RALGPS1: variants seen among roughly 807,000 people sequenced by gnomAD.
RALGPS1 encodes ras-specific guanine nucleotide-releasing factor RalGPS1.
RALGPS1 carries 19 observed loss-of-function variants against 78.8 expected under a neutral mutation model. The observed-to-expected ratio is 0.24, with a 90% confidence interval of 0.17 to 0.35. The LOEUF (loss-of-function observed/expected upper bound fraction) is 0.35. Ranked by LOEUF, RALGPS1 falls within the 10% of genes least tolerant of loss-of-function variation. The probability of loss-of-function intolerance (pLI) is 1.00; values close to 1 mark genes in which losing one functional copy is unlikely to be tolerated. For synonymous variants in RALGPS1, 228 were observed against 256.3 expected, an observed-to-expected ratio of 0.89 and a Z score of 1.06; for missense variants, 454 against 688.3, an observed-to-expected ratio of 0.66 and a Z score of 3.81.
At chr9:127,092,621 C>T (rs145207094) in intron 8 of RALGPS1, among the ~76,000 whole-genome samples, 18 of 152,198 alleles carry the variant, frequency 1.2e-4, no homozygotes, top group Non-Finnish European at 1.0e-4. Flanking sequence ...CATGTCAACT[C>T]GAAGAACTAA....
intron 3 of RALGPS1, among the ~76,000 whole-genome samples, chr9:126,966,651 G>A (rs56890110): frequency 0.38 from 57,284 of 151,390 alleles, 12,643 homozygotes; most frequent in Non-Finnish European, 0.48. Context: ...ATTATTTACT[G>A]TAGTATTTGG....
chr9:126,989,495 G>A (rs1055078439), intron 4 of RALGPS1, among the ~76,000 whole-genome samples: 3 of 152,134 alleles, frequency 2.0e-5, no homozygotes, highest in African/African-American at 7.2e-5. Flanking sequence ...TGGACTGTGG[G>A]CCTTGGAGGT....
intron 4 of RALGPS1, among the ~76,000 whole-genome samples, chr9:126,998,063 A>T (rs1387228002): frequency 6.6e-6 from 1 of 152,236 alleles, no homozygotes; most frequent in African/African-American, 2.4e-5. Flanking sequence ...AAACCATAAA[A>T]ACCCTAGAAG....
chr9:127,032,797 C>G (rs2046539086), intron 4 of RALGPS1, among the ~76,000 whole-genome samples: 1 of 152,004 alleles, frequency 6.6e-6, no homozygotes, highest in South Asian at 2.1e-4. Flanking sequence ...TGAGACCAGC[C>G]TGGGCAACAC....
intron 8 of RALGPS1, among the ~76,000 whole-genome samples, chr9:127,127,345 T>C (rs1179513372): frequency 6.6e-6 from 1 of 152,266 alleles, no homozygotes; most frequent in Non-Finnish European, 1.5e-5. Context: ...GTAATTGTTA[T>C]TGACCAGAGT....
intron 10 of RALGPS1, among the ~76,000 whole-genome samples, chr9:127,171,988 G>T (rs542040589): frequency 6.6e-6 from 1 of 152,268 alleles, no homozygotes; most frequent in South Asian, 2.1e-4. Context: ...GCATGTTCAG[G>T]AATCATAATT....
At chr9:127,033,500 A>G (rs2046601352) in intron 4 of RALGPS1, among the ~76,000 whole-genome samples, 1 of 152,188 alleles carries the variant, frequency 6.6e-6, no homozygotes, top group Admixed American at 6.5e-5. Context: ...GATCTTATGA[A>G]AACTCTAGGT....
chr9:127,200,054 AACC>A (rs1219943308), intron 14 of RALGPS1, among the ~76,000 whole-genome samples: 6 of 152,150 alleles, frequency 3.9e-5, no homozygotes, highest in South Asian at 2.1e-4. Context: ...ACATTCATAT[AACC>A]ACACTGTCAC....
chr9:127,041,433 GA>G (rs1279971519), intron 5 of RALGPS1, among the ~76,000 whole-genome samples: 1 of 152,160 alleles, frequency 6.6e-6, no homozygotes, highest in Non-Finnish European at 1.5e-5. Flanking sequence ...ACACAAGCTA[GA>G]TTGTGTTTGT....
chr9:126,946,331 C>G (rs1360627092), intron 1 of RALGPS1, among the ~76,000 whole-genome samples: 2 of 152,210 alleles, frequency 1.3e-5, no homozygotes, highest in South Asian at 2.1e-4. Flanking sequence ...GTCAGGAGTT[C>G]GAGACCATCC....
intron 11 of RALGPS1, among the ~76,000 whole-genome samples, chr9:127,188,832 T>TTAAAAAAAAAAAAAAGAAAAAAAA (rs756481918): frequency 1.1e-5 from 1 of 87,472 alleles, no homozygotes; most frequent in Non-Finnish European, 2.3e-5. Flanking sequence ...CCATCTCTAC[T>TTAAAAAAAAAAAAAAGAAAAAAAA]AAAAAAAAAA....
intron 7 of RALGPS1, among the ~76,000 whole-genome samples, chr9:127,067,648 G>T (rs1190115853): frequency 1.3e-5 from 2 of 152,328 alleles, no homozygotes; most frequent in Non-Finnish European, 2.9e-5. Context: ...GACATGGTGG[G>T]TCTCTTGTTC....
chr9:126,944,350 C>T (rs770507827), intron 1 of RALGPS1, among the ~76,000 whole-genome samples: 19 of 152,190 alleles, frequency 1.2e-4, no homozygotes, highest in Non-Finnish European at 2.2e-4. Flanking sequence ...AGTAATGCCT[C>T]TGCCTTTGGC....
At chr9:127,092,670 C>T (rs1802071015) in intron 8 of RALGPS1, among the ~76,000 whole-genome samples, 1 of 152,116 alleles carries the variant, frequency 6.6e-6, no homozygotes, top group African/African-American at 2.4e-5. Flanking sequence ...TGAACTGAGG[C>T]CCAGAGAGGC....
At position 127,091,562 on chromosome 9, in the gene RALGPS1, C is replaced by T; in HGVS notation, c.610+22206C>T. 1.4e-6 allele frequency: 2 copies of T among 1,458,950 alleles called. No homozygotes were observed. Among genetic ancestry groups the T allele is most frequent in the East Asian group, 4.6e-5 (2 of 43,840 alleles). The allele number at this position is 1,458,950 out of a possible 1,614,324, so 90.4% of individuals were successfully genotyped here. Reference sequence around the variant, plus strand: ...AGGGTCAGGCAGCTTGGCCCAGCTGCTTCTCACCCTGGGATCTTCCCGTTT... The same window carrying T: ...AGGGTCAGGCAGCTTGGCCCAGCTGTTTCTCACCCTGGGATCTTCCCGTTT... On this transcript the variant is annotated intron_variant, in intron 8 of 18. Coordinates refer to ENST00000259351, the MANE Select transcript of RALGPS1 (RefSeq NM_014636.3). This position sits in a 1 kb window ranked among gnomAD's most constrained non-coding sequence, Gnocchi z 4.3.
At chr9:127,076,837 C>T (rs1285024434) in intron 8 of RALGPS1, among the ~76,000 whole-genome samples, 2 of 152,074 alleles carry the variant, frequency 1.3e-5, no homozygotes, top group East Asian at 3.9e-4. Context: ...TCTGGGGGAA[C>T]CAGGAAGGGC....
intron 14 of RALGPS1, among the ~76,000 whole-genome samples, chr9:127,208,749 A>C (rs573777331): frequency 1.3e-5 from 2 of 152,306 alleles, no homozygotes; most frequent in East Asian, 3.9e-4. Context: ...AAGGCTGCTT[A>C]CGAGGCTAGC....
intron 8 of RALGPS1, among the ~76,000 whole-genome samples, chr9:127,089,417 C>T (rs1038408391): frequency 2.6e-5 from 4 of 152,196 alleles, no homozygotes; most frequent in African/African-American, 7.2e-5. Flanking sequence ...TGACGCCTGC[C>T]GCACAGGGCG....
chr9:127,145,330 C>T (rs1001315884), intron 8 of RALGPS1, among the ~76,000 whole-genome samples: 3 of 152,180 alleles, frequency 2.0e-5, no homozygotes, highest in Admixed American at 6.5e-5. Flanking sequence ...CAGGCCACAG[C>T]GCTGGTCAGT....
Sources: allele counts gnomAD v4.1 joint callset (sites outside exome capture counted in the v4.1 genomes callset), GRCh38; gene constraint gnomAD v4.1.1; non-coding constraint Gnocchi (gnomAD v3.1); transcripts MANE v1.5; gene names NCBI Gene and HGNC (gene_info 2026-07-23, HGNC 2026-07-21).